Variants in LPCAT2 observed in about 807,000 individuals in gnomAD.
LPCAT2 encodes the protein lysophosphatidylcholine acyltransferase 2.
Under a neutral mutation model 64.7 loss-of-function variants are expected in LPCAT2, and 58 were observed. The ratio of observed to expected loss-of-function variants is 0.90; its 90% CI spans 0.73 to 1.12. The LOEUF (loss-of-function observed/expected upper bound fraction) is 1.12. Among genes scored for constraint, LPCAT2 ranks in the 50% most tolerant of loss-of-function variants. The probability of loss-of-function intolerance (pLI) is 0.00; values close to 1 mark genes in which losing one functional copy is unlikely to be tolerated. For missense variants in LPCAT2, 579 were observed against 669.8 expected (o/e 0.86, Z 1.50); for synonymous variants, 252 against 245.3 (o/e 1.03, Z -0.26).
intron 11 of LPCAT2, among the ~76,000 whole-genome samples, chr16:55,573,897 A>G (rs1354181): frequency 6.6e-6 from 1 of 151,682 alleles, no homozygotes; most frequent in African/African-American, 2.4e-5. Flanking sequence ...ATCTTCTTAG[A>G]GCTCCTGTCT....
intron 11 of LPCAT2, among the ~76,000 whole-genome samples, chr16:55,564,708 G>T (rs1046932562): frequency 1.9e-4 from 29 of 151,934 alleles, no homozygotes; most frequent in African/African-American, 6.8e-4. Context: ...ATGGATCAAA[G>T]ATCTAAACAT....
intron 11 of LPCAT2, among the ~76,000 whole-genome samples, chr16:55,562,739 G>A (rs1405780530): frequency 1.3e-5 from 2 of 151,670 alleles, no homozygotes; most frequent in Non-Finnish European, 3.0e-5. Flanking sequence ...AGTAAGCAAG[G>A]GCGATATTAT....
In LPCAT2 at chr16:55,509,267, T is replaced by A. The variant is rs1315251840; in HGVS notation, c.86T>A (p.Val29Glu). The A allele has an allele frequency of 6.6e-7, 1 of 1,508,582 alleles. No individual in the cohort carries two copies. The highest frequency in any genetic ancestry group is 8.9e-7 in the Non-Finnish European group (1 of 1,121,900). 93.4% of individuals were successfully genotyped at this position (1,508,582 alleles called of 1,614,324 possible). The stretch of plus-strand genomic sequence containing the variant: ...AACGTGGGGCTGCGGCCGCCCATGG[T>A]GCCCCGTCAGGCGTCCTTCTTCCCG... ...VGNVGLRPPM[V>E]PRQASFFPPP... The change falls in exon 1 of 14, where the codon GTG (valine) becomes GAG (glutamate). Residue 29 changes from valine to glutamate, a missense_variant. Physicochemically the swap from Val to Glu is moderately radical, Grantham distance 121 (BLOSUM62 -2). Transcript: ENST00000262134.
At chr16:55,530,490 G>T (rs750565327) in intron 4 of LPCAT2, among the ~76,000 whole-genome samples, 1 of 114,298 alleles carries the variant, frequency 8.7e-6, no homozygotes, top group African/African-American at 3.1e-5. Flanking sequence ...GGAATGCGGG[G>T]GTGGGGGGGG....
intron 2 of LPCAT2, among the ~76,000 whole-genome samples, chr16:55,526,341 C>T (rs913910269): frequency 2.2e-4 from 34 of 152,206 alleles, no homozygotes; most frequent in African/African-American, 7.9e-4. Context: ...AGTGCAGCCT[C>T]TTATGTGGAC....
chr16:55,523,698 T>A (rs1283202243), intron 1 of LPCAT2, among the ~76,000 whole-genome samples: 1 of 151,820 alleles, frequency 6.6e-6, no homozygotes, highest in Non-Finnish European at 1.5e-5. Flanking sequence ...GTGATTTTAT[T>A]TATATGAACA....
At chr16:55,518,879 C>G (rs1284886802) in intron 1 of LPCAT2, among the ~76,000 whole-genome samples, 1 of 150,202 alleles carries the variant, frequency 6.7e-6, no homozygotes, top group Non-Finnish European at 1.5e-5. Flanking sequence ...CAGTGGTTTT[C>G]TAGACATACA....
chr16:55,523,701 TA>T (rs1341609757), intron 1 of LPCAT2, among the ~76,000 whole-genome samples: 16 of 151,830 alleles, frequency 1.1e-4, no homozygotes, highest in African/African-American at 3.6e-4. Flanking sequence ...ATTTTATTTA[TA>T]TGAACATCTA....
intron 11 of LPCAT2, among the ~76,000 whole-genome samples, chr16:55,562,611 A>T (rs1177879012): frequency 2.0e-5 from 3 of 151,954 alleles, no homozygotes; most frequent in Admixed American, 2.0e-4. Flanking sequence ...TTATAATTAT[A>T]CCAGTTTCCT....
chr16:55,565,704 G>A (rs1488905213), intron 11 of LPCAT2, among the ~76,000 whole-genome samples: 1 of 152,062 alleles, frequency 6.6e-6, no homozygotes, highest in African/African-American at 2.4e-5. Context: ...GGGGGAAGGG[G>A]AGAATGGGAG....
At chr16:55,574,247 G>A (rs1596888647) in intron 11 of LPCAT2, among the ~76,000 whole-genome samples, 1 of 152,146 alleles carries the variant, frequency 6.6e-6, no homozygotes, top group East Asian at 1.9e-4. Context: ...TGACCCTTTG[G>A]TGTTGGTCTT....
In LPCAT2 at chr16:55,549,493, A is replaced by C. The variant is rs1963491372; in HGVS notation, c.1061+91A>C. The C allele has an allele frequency of 5.0e-6, 6 of 1,204,202 alleles. No individual in the cohort carries two copies. The South Asian group carries it at 9.4e-5, about 19-fold the overall frequency. 74.6% of individuals were successfully genotyped at this position (1,204,202 alleles called of 1,614,324 possible). A position where few individuals can be genotyped will look rare whatever the true frequency, so the allele number is the denominator to read the frequency against. On this transcript the variant is annotated intron_variant, in intron 10 of 13. Transcript: ENST00000262134. ...ATTTTCTCCTGCTTTATTAATGCTCAGCTCTAGTTCCCATTTGGTGTATAT... is the reference window on the plus strand; with the variant it reads ...ATTTTCTCCTGCTTTATTAATGCTCCGCTCTAGTTCCCATTTGGTGTATAT...
chr16:55,569,650 TA>T (rs1303935536), intron 11 of LPCAT2, among the ~76,000 whole-genome samples: 1 of 152,236 alleles, frequency 6.6e-6, no homozygotes, highest in Non-Finnish European at 1.5e-5. Context: ...AGGGATTACC[TA>T]CTTTTACAAT....
intron 9 of LPCAT2, among the ~76,000 whole-genome samples, chr16:55,548,416 T>C (rs1349858336): frequency 1.3e-5 from 2 of 152,262 alleles, no homozygotes; most frequent in Admixed American, 1.3e-4. Flanking sequence ...GATTGCTATG[T>C]AGCAAGAAGG....
At chr16:55,549,159 A>C in intron 9 of LPCAT2, 118 bp from the exon 10 acceptor site, 2 of 742,990 alleles carry the variant, frequency 2.7e-6, no homozygotes, top group South Asian at 4.0e-5. Flanking sequence ...TTACTGGTTT[A>C]AAAAGTAGTA....
Position 55,583,027 on chromosome 16 carries a change from C to T in LPCAT2, c.1564C>T (p.Pro522Ser), listed in dbSNP as rs201759179. The change falls in exon 14 of 14, where the codon CCC becomes TCC. Residue 522 changes from proline (P) to serine (S), a missense_variant. Pro to Ser is a moderately conservative substitution (Grantham distance 74). Coordinates refer to ENST00000262134, the MANE Select transcript of LPCAT2 (RefSeq NM_017839.5). ...FSLPKEVQTT[P>S]STASNKVSPE... Reference sequence around the variant, plus strand: ...ATTACCAAAAGAAGTCCAGACAACCCCCTCCACCGCCAGTAATAAAGTCAG... The same window carrying T: ...ATTACCAAAAGAAGTCCAGACAACCTCCTCCACCGCCAGTAATAAAGTCAG... The T allele has an allele frequency of 1.9e-6, 3 of 1,613,732 alleles. No individual in the cohort carries two copies. The highest frequency in any genetic ancestry group is 2.2e-5 in the East Asian group (1 of 44,842).
Position 55,550,990 on chromosome 16 carries a change from C to A in LPCAT2, c.1103C>A (p.Ala368Glu). The A allele has an allele frequency of 6.2e-7, 1 of 1,609,044 alleles. No individual in the cohort carries two copies. Among genetic ancestry groups the A allele is most frequent in the Non-Finnish European group, 8.5e-7 (1 of 1,176,618 alleles). Residue 368 changes from alanine (A) to glutamate (E), a missense_variant, in exon 11 of 14, where the codon GCA becomes GAA. Coordinates refer to ENST00000262134, the MANE Select transcript of LPCAT2 (RefSeq NM_017839.5). ...GTTCGTAAGCATTTGGATGAATATG[C>A]ATCTATTGCGAGTTCCTCAAAAGGA... ...DGVRKHLDEY[A>E]SIASSSKGGR... is the part of the protein sequence containing the mutation.
intron 11 of LPCAT2, among the ~76,000 whole-genome samples, chr16:55,562,004 G>A (rs1253426345): frequency 3.3e-5 from 5 of 152,010 alleles, no homozygotes; most frequent in Admixed American, 3.3e-4. Context: ...TCATTATTCA[G>A]TTCTAGAATT....
At chr16:55,512,832 T>C (rs1335231205) in intron 1 of LPCAT2, among the ~76,000 whole-genome samples, 2 of 152,194 alleles carry the variant, frequency 1.3e-5, no homozygotes, top group African/African-American at 4.8e-5. Flanking sequence ...ACAAAGGTGA[T>C]ACCATAGGAG....
Sources: allele counts gnomAD v4.1 joint callset (sites outside exome capture counted in the v4.1 genomes callset), GRCh38; gene constraint gnomAD v4.1.1; transcripts MANE v1.5; gene names NCBI Gene and HGNC (gene_info 2026-07-23, HGNC 2026-07-21).